RIMS2: variants seen among roughly 807,000 people sequenced by gnomAD.
RIMS2 encodes the protein regulating synaptic membrane exocytosis protein 2.
A neutral mutation model predicts 174.4 loss-of-function variants in RIMS2; 59 were observed. That is an observed-to-expected ratio of 0.34 (90% CI 0.27 to 0.42). The LOEUF (loss-of-function observed/expected upper bound fraction) is 0.42. RIMS2 is among the 10% of genes least tolerant of loss of function. The pLI is 1.00. For missense variants in RIMS2, 1,620 were observed against 1,666.3 expected (o/e 0.97, Z 0.48); for synonymous variants, 606 against 572.5 (o/e 1.06, Z -0.84).
intron 17 of RIMS2, among the ~76,000 whole-genome samples, chr8:104,008,448 A>T (rs1297442262): frequency 6.8e-6 from 1 of 146,594 alleles, no homozygotes; most frequent in Non-Finnish European, 1.5e-5. Context: ...TATTTAATAT[A>T]CTAAAAATAT....
intron 1 of RIMS2, among the ~76,000 whole-genome samples, chr8:103,679,889 C>T (rs892218279): frequency 6.6e-6 from 1 of 151,958 alleles, no homozygotes; most frequent in South Asian, 2.1e-4. Context: ...CAAAATCCTG[C>T]CTGCTATCTG....
chr8:103,521,099 C>T (rs1425436175), intron 1 of RIMS2, among the ~76,000 whole-genome samples: 1 of 137,420 alleles, frequency 7.3e-6, no homozygotes, highest in Admixed American at 8.2e-5. Flanking sequence ...AACACATGGA[C>T]ACAGGAAGGG....
chr8:104,054,203 T>C (rs961190947), intron 19 of RIMS2, among the ~76,000 whole-genome samples: 1 of 152,186 alleles, frequency 6.6e-6, no homozygotes, highest in South Asian at 2.1e-4. Flanking sequence ...CTGTTTATTC[T>C]CAGTATTGAA....
chr8:103,714,702 A>C (rs2097348017), intron 2 of RIMS2, among the ~76,000 whole-genome samples: 1 of 152,142 alleles, frequency 6.6e-6, no homozygotes, highest in Non-Finnish European at 1.5e-5. Flanking sequence ...GAAATATCAG[A>C]GGTGGAAAAT....
At chr8:103,786,741 TA>T (rs2098447280) in intron 3 of RIMS2, among the ~76,000 whole-genome samples, 1 of 152,216 alleles carries the variant, frequency 6.6e-6, no homozygotes, top group Non-Finnish European at 1.5e-5. Flanking sequence ...AAAAAATGTA[TA>T]TTCTGTTGAT....
At chr8:103,892,472 G>A (rs12682214) in intron 4 of RIMS2, among the ~76,000 whole-genome samples, 24,980 of 151,814 alleles carry the variant, frequency 0.16, 2,180 homozygotes, top group Middle Eastern at 0.26. Flanking sequence ...CCAAAGTGCT[G>A]GGACTACAGT....
intron 1 of RIMS2, among the ~76,000 whole-genome samples, chr8:103,604,110 T>C (rs2094913149): frequency 6.8e-6 from 1 of 147,836 alleles, no homozygotes; most frequent in Non-Finnish European, 1.5e-5. Context: ...TAGGTTTTCT[T>C]CTAGGGTTTT....
chr8:104,041,577 A>C lies in RIMS2; in HGVS notation c.3334+26962A>C, dbSNP rs78116629. Among the ~76,000 whole-genome samples, 68 of 151,756 alleles carry C rather than the reference A, an allele frequency of 4.5e-4. No homozygotes were observed. In the East Asian group the frequency reaches 0.013, roughly 29 times the overall value. Reference sequence around the variant, plus strand: ...AAGTAAAATAATTAATTTTTATGTAATATGTATAGATGTAATTTTTCCATA... The same window carrying C: ...AAGTAAAATAATTAATTTTTATGTACTATGTATAGATGTAATTTTTCCATA... On this transcript the variant is annotated intron_variant, in intron 19 of 23. Coordinates refer to ENST00000504942, the Ensembl canonical transcript of RIMS2.
intron 19 of RIMS2, among the ~76,000 whole-genome samples, chr8:104,018,039 C>T (rs1285217453): frequency 1.3e-5 from 2 of 149,800 alleles, no homozygotes; most frequent in Non-Finnish European, 3.0e-5. Context: ...TGTGCCACTG[C>T]ACTCCAGCCT....
chr8:103,681,925 G>A (rs915220452), intron 1 of RIMS2, among the ~76,000 whole-genome samples: 1 of 152,096 alleles, frequency 6.6e-6, no homozygotes, highest in African/African-American at 2.4e-5. Flanking sequence ...ATGGAGACAA[G>A]TGGAAGGATT....
intron 1 of RIMS2, among the ~76,000 whole-genome samples, chr8:103,617,639 A>G (rs1420932513): frequency 6.6e-6 from 1 of 152,212 alleles, no homozygotes; most frequent in Non-Finnish European, 1.5e-5. Flanking sequence ...CATCATCTAC[A>G]AGGAACTTTA....
At chr8:103,866,778 A>G (rs575963095) in intron 3 of RIMS2, among the ~76,000 whole-genome samples, 5 of 152,230 alleles carry the variant, frequency 3.3e-5, no homozygotes, top group South Asian at 2.1e-4. Flanking sequence ...AATTGTAGGA[A>G]GTATTTTGGC....
At chr8:103,912,002 C>CATTTATTTATTTTGT in intron 5 of RIMS2, 51 bp from the exon 9 acceptor site, 1 of 1,369,482 alleles carries the variant, frequency 7.3e-7, no homozygotes, top group Non-Finnish European at 1.0e-6. Flanking sequence ...TAAATAAAAT[C>CATTTATTTATTTTGT]ATTTATTTAT....
chr8:104,145,209 G>A (rs2098624438), intron 19 of RIMS2, among the ~76,000 whole-genome samples: 1 of 151,716 alleles, frequency 6.6e-6, no homozygotes, highest in Admixed American at 6.6e-5. Flanking sequence ...TTTCCTTTAT[G>A]ATAAATTGTA....
intron 2 of RIMS2, among the ~76,000 whole-genome samples, chr8:103,751,601 A>T (rs2139744462): frequency 6.6e-6 from 1 of 151,434 alleles, no homozygotes; most frequent in East Asian, 2.0e-4. Context: ...CATCCTCTCC[A>T]GCACCTGTTG....
At chr8:103,953,298 G>A (rs2086023527) in intron 14 of RIMS2, among the ~76,000 whole-genome samples, 3 of 152,130 alleles carry the variant, frequency 2.0e-5, no homozygotes, top group African/African-American at 4.8e-5. Context: ...GCACATAATT[G>A]TCAGATTCAC....
At chr8:103,547,844 C>T (rs1049101503) in intron 1 of RIMS2, among the ~76,000 whole-genome samples, 1 of 152,078 alleles carries the variant, frequency 6.6e-6, no homozygotes, top group Admixed American at 6.6e-5. Flanking sequence ...ACTGATCCCA[C>T]AGAAATACTA....
intron 19 of RIMS2, among the ~76,000 whole-genome samples, chr8:104,181,904 C>A (rs1454712587): frequency 6.6e-6 from 1 of 151,560 alleles, no homozygotes; most frequent in Non-Finnish European, 1.5e-5. Flanking sequence ...GCATTTTTTA[C>A]AAATTAAAGT....
rs201996486 is a variant in RIMS2, at chr8:103,813,389, C to CTTCTTTCTTTCTTTCTTTCT, written c.698+46859_698+46878dup. Among the ~76,000 whole-genome samples the CTTCTTTCTTTCTTTCTTTCT allele has an allele frequency of 9.4e-3, 1,384 of 147,370 alleles. 23 individuals are homozygous for CTTCTTTCTTTCTTTCTTTCT. Among genetic ancestry groups the CTTCTTTCTTTCTTTCTTTCT allele is most frequent in the South Asian group, 0.02 (91 of 4,570 alleles). On this transcript the variant is annotated intron_variant, in intron 3 of 23. Transcript: ENST00000504942. The stretch of plus-strand genomic sequence containing the variant: ...TCTTAAATAATTTTAAGAATTTACA[C>CTTCTTTCTTTCTTTCTTTCT]TTCTTTCTTTCTTTCTTTCTTTCTT...
Sources: allele counts gnomAD v4.1 joint callset (sites outside exome capture counted in the v4.1 genomes callset), GRCh38; gene constraint gnomAD v4.1.1; transcripts MANE v1.5; gene names NCBI Gene and HGNC (gene_info 2026-07-23, HGNC 2026-07-21).